The following CEACAM21 variants were observed in gnomAD, a reference collection of about 807,000 sequenced individuals.
CEACAM21 encodes the protein CEA cell adhesion molecule 21.
A neutral mutation model predicts 33.2 loss-of-function variants in CEACAM21; 38 were observed. That is an observed-to-expected ratio of 1.14 (90% CI 0.88 to 1.50). The LOEUF is 1.50. CEACAM21 is among the 40% of genes most tolerant of loss of function. The pLI, the probability that CEACAM21 is intolerant of heterozygous loss-of-function variation, is 0.00. For synonymous variants in CEACAM21, 156 were observed against 143.0 expected, an observed-to-expected ratio of 1.09 and a Z score of -0.65; for missense variants, 385 against 364.6, an observed-to-expected ratio of 1.06 and a Z score of -0.46.
intron 1 of CEACAM21, among the ~76,000 whole-genome samples, chr19:41,562,262 C>G (rs946833815): frequency 5.9e-5 from 8 of 136,452 alleles, no homozygotes; most frequent in Admixed American, 3.5e-4. Flanking sequence ...CAAAACAAAA[C>G]AAAGAAAGAA....
intron 2 of CEACAM21, among the ~76,000 whole-genome samples, chr19:41,569,627 A>G (rs2042476560): frequency 6.6e-6 from 1 of 151,926 alleles, no homozygotes; most frequent in Admixed American, 6.6e-5. Context: ...CAGAGTGCAC[A>G]TCTCCTTGCA....
At chr19:41,583,353 C>A (rs1329283930) in intron 3 of CEACAM21, among the ~76,000 whole-genome samples, 4 of 152,180 alleles carry the variant, frequency 2.6e-5, no homozygotes, top group African/African-American at 9.7e-5. Context: ...AAGTTTCAAA[C>A]TTTTTTCCTG....
intron 2 of CEACAM21, chr19:41,565,527 C>T: frequency 6.8e-6 from 1 of 146,072 alleles, no homozygotes; most frequent in Non-Finnish European, 1.5e-5. Context: ...TTTACATCTC[C>T]AGTCTTCCCC....
chr19:41,583,415 T>C (rs1236414868), intron 3 of CEACAM21, among the ~76,000 whole-genome samples: 3 of 152,214 alleles, frequency 2.0e-5, no homozygotes, highest in African/African-American at 7.2e-5. Context: ...GTTACCCAGT[T>C]CCAAAGTCAC....
At chr19:41,574,518 A>T (rs1016925067), upstream of CEACAM21, among the ~76,000 whole-genome samples, 20 of 152,102 alleles carry the variant, frequency 1.3e-4, no homozygotes, top group African/African-American at 4.6e-4. Flanking sequence ...CATTTTTTTT[A>T]AACAGCAAAT....
intron 1 of CEACAM21, among the ~76,000 whole-genome samples, chr19:41,560,511 A>G (rs1227975799): frequency 6.6e-6 from 1 of 152,140 alleles, no homozygotes; most frequent in Non-Finnish European, 1.5e-5. Context: ...GGCTATTATA[A>G]CTTTGACCCC....
chr19:41,563,345 C>T (rs2042020588), intron 1 of CEACAM21, among the ~76,000 whole-genome samples: 1 of 152,184 alleles, frequency 6.6e-6, no homozygotes, highest in Non-Finnish European at 1.5e-5. Context: ...GGACAGGGGC[C>T]TTGGCTACTC....
In CEACAM21 at chr19:41,576,314, C is replaced by A; in HGVS notation, c.40C>A (p.Pro14Thr). The A allele has an allele frequency of 1.9e-6, 3 of 1,612,398 alleles. No individual in the cohort carries two copies. Among genetic ancestry groups the A allele is most frequent in the Non-Finnish European group, 2.5e-6 (3 of 1,179,032 alleles). The part of the protein sequence containing the change: ...PSACPHRECI[P>T]WQGLLLTASL... The stretch of plus-strand genomic sequence containing the variant: ...AGCTTGTCCCCACAGAGAATGCATC[C>A]CCTGGCAGGGGCTCTTGCTCACAGG... The change falls in exon 1 of 7, where the codon CCC becomes ACC. Residue 14 changes from proline (P) to threonine (T), a missense_variant. By Grantham distance (38) the Pro-to-Thr change is conservative. Transcript: ENST00000401445.
At chr19:41,582,352 G>C (rs1479680261) in intron 3 of CEACAM21, among the ~76,000 whole-genome samples, 1 of 152,198 alleles carries the variant, frequency 6.6e-6, no homozygotes, top group African/African-American at 2.4e-5. Flanking sequence ...CTAGGTGCAT[G>C]GTGCAAGCTG....
chr19:41,585,616 A>G, intron 5 of CEACAM21, 121 bp downstream of exon 5: 1 of 1,205,992 alleles, frequency 8.3e-7, no homozygotes, highest in South Asian at 1.3e-5. Flanking sequence ...AGAGGATCCC[A>G]TAAAACATCA....
intron 1 of CEACAM21, among the ~76,000 whole-genome samples, chr19:41,562,501 A>G (rs2041952491): frequency 6.6e-6 from 1 of 152,172 alleles, no homozygotes; most frequent in Non-Finnish European, 1.5e-5. Flanking sequence ...ATAAAGAGGT[A>G]TGTCCACCAT....
intron 4 of CEACAM21, 106 bp from the exon 5 acceptor site, chr19:41,585,337 T>A: frequency 8.6e-7 from 1 of 1,166,686 alleles, no homozygotes; most frequent in Non-Finnish European, 1.3e-6. Flanking sequence ...AGAAAGGAGG[T>A]CTCCATACCC....
chr19:41,555,915 C>T (rs1413308217), intron 1 of CEACAM21, among the ~76,000 whole-genome samples: 1 of 152,222 alleles, frequency 6.6e-6, no homozygotes, highest in Non-Finnish European at 1.5e-5. Context: ...AGTGACCCAG[C>T]AGCCGTTGCA....
chr19:41,558,595 C>T (rs1044769674), intron 1 of CEACAM21, among the ~76,000 whole-genome samples: 1 of 151,970 alleles, frequency 6.6e-6, no homozygotes, highest in African/African-American at 2.4e-5. Flanking sequence ...TGCAGTGAGC[C>T]GAGATCATGC....
intron 3 of CEACAM21, among the ~76,000 whole-genome samples, chr19:41,583,909 G>A (rs140616708): frequency 0.032 from 4,811 of 152,254 alleles, 255 homozygotes; most frequent in African/African-American, 0.11. Context: ...GAGAAAAGCT[G>A]CAGGTAGATT....
intron 3 of CEACAM21, among the ~76,000 whole-genome samples, chr19:41,580,141 GAATTGAAGTACTTCAATCTT>G (rs1367959219): frequency 6.6e-6 from 1 of 152,058 alleles, no homozygotes; most frequent in African/African-American, 2.4e-5. Context: ...TTGAAGTACT[GAATTGAAGTACTTCAATCTT>G]AATTGAAGTA....
chr19:41,556,769 G>A (rs1266959188), intron 1 of CEACAM21, among the ~76,000 whole-genome samples: 1 of 152,202 alleles, frequency 6.6e-6, no homozygotes, highest in Non-Finnish European at 1.5e-5. Context: ...GAATCCCACA[G>A]AATATTGAAA....
Position 41,551,002 on chromosome 19 carries a change from A to T in CEACAM21, c.-779+1450A>T, listed in dbSNP as rs535423729. Among the ~76,000 whole-genome samples, 7 of 152,292 alleles carry T rather than the reference A, an allele frequency of 4.6e-5. No homozygotes were observed. The East Asian group carries it at 5.8e-4, about 13-fold the overall frequency. On this transcript the variant is annotated intron_variant, in intron 1 of 7. Transcript: ENST00000407170. ...TACTATTGTGCTGCATGCTGCAGTG[A>T]TGATCTTGTGATCTCAGCAATGCCC...
At chr19:41,585,586 C>A in intron 5 of CEACAM21, 91 bp downstream of exon 5, 1 of 1,389,532 alleles carries the variant, frequency 7.2e-7, no homozygotes, top group Non-Finnish European at 1.0e-6. Flanking sequence ...GGGCCTCTGA[C>A]CCTATCCCTG....
Sources: gnomAD v4.1 joint callset for allele counts (sites outside exome capture counted in the v4.1 genomes callset) on GRCh38, gnomAD v4.1.1 for gene constraint, MANE v1.5 for transcripts, NCBI Gene and HGNC (gene_info 2026-07-23, HGNC 2026-07-21) for gene names.